AK4: variants seen among roughly 807,000 people sequenced by gnomAD.
AK4 encodes the protein adenylate kinase 4, mitochondrial.
AK4 carries 13 observed loss-of-function variants against 24.6 expected under a neutral mutation model. That is an observed-to-expected ratio of 0.53 (90% CI 0.34 to 0.84). The LOEUF (loss-of-function observed/expected upper bound fraction) is 0.84. Among genes scored for constraint, AK4 ranks in the 40% least tolerant of loss-of-function variants. The probability of loss-of-function intolerance (pLI) is 0.01; values close to 1 mark genes in which losing one functional copy is unlikely to be tolerated. For missense variants in AK4, 192 were observed against 288.2 expected (o/e 0.67, Z 2.42); for synonymous variants, 88 against 107.0 (o/e 0.82, Z 1.10).
At chr1:65,150,238 A>T (rs924939028) in intron 1 of AK4, among the ~76,000 whole-genome samples, 8 of 149,674 alleles carry the variant, frequency 5.3e-5, no homozygotes, top group African/African-American at 2.0e-4. Context: ...GGCTTTGAAA[A>T]TTTTCCATTT....
At chr1:65,218,561 A>G (rs1652200090) in intron 2 of AK4, among the ~76,000 whole-genome samples, 193 bp from the exon 3 acceptor site, 1 of 152,230 alleles carries the variant, frequency 6.6e-6, no homozygotes, top group African/African-American at 2.4e-5. Flanking sequence ...CAGAGGATAC[A>G]TGTGCAGGTT....
At chr1:65,152,039 TACAC>T (rs35465649) in intron 1 of AK4, among the ~76,000 whole-genome samples, 2 of 151,592 alleles carry the variant, frequency 1.3e-5, no homozygotes, top group African/African-American at 2.4e-5. Flanking sequence ...TGTATGAGTA[TACAC>T]ACACACACAG....
rs139889166 is a variant in AK4, at chr1:65,180,257, G to A, written c.146-10453G>A. ...GAGGTCAGAAGTTCGAGACCAGCCT[G>A]GGCAACATGGTAAAACCCCGTGTCT... On this transcript the variant is annotated intron_variant, in intron 1 of 4. Coordinates refer to ENST00000327299, the MANE Select transcript of AK4 (RefSeq NM_013410.4). Among the ~76,000 whole-genome samples, 206 of 152,248 alleles carry A rather than the reference G, an allele frequency of 1.4e-3. 1 individual carries two copies. The highest frequency in any genetic ancestry group is 2.0e-3 in the Admixed American group (30 of 15,292).
chr1:65,172,253 A>G (rs1349641997), intron 1 of AK4, among the ~76,000 whole-genome samples: 1 of 151,518 alleles, frequency 6.6e-6, no homozygotes, highest in African/African-American at 2.4e-5. Flanking sequence ...AAGTTAAAAA[A>G]GTTAATCGTC....
chr1:65,166,270 G>A (rs115181416), intron 1 of AK4, among the ~76,000 whole-genome samples: 813 of 151,806 alleles, frequency 5.4e-3, no homozygotes, highest in Non-Finnish European at 9.2e-3. Flanking sequence ...CTTAGTGAAT[G>A]TGGTGCTTTG....
intron 1 of AK4, among the ~76,000 whole-genome samples, chr1:65,162,328 G>T (rs1456583530): frequency 6.6e-6 from 1 of 152,122 alleles, no homozygotes; most frequent in Non-Finnish European, 1.5e-5. Flanking sequence ...GAGAGGATGC[G>T]GGAGGAGGCT....
intron 2 of AK4, among the ~76,000 whole-genome samples, chr1:65,199,575 A>G (rs1217502049): frequency 6.6e-6 from 1 of 151,972 alleles, no homozygotes; most frequent in African/African-American, 2.4e-5. Flanking sequence ...GAAAAAAAAA[A>G]TTTGTAACCA....
intron 2 of AK4, among the ~76,000 whole-genome samples, chr1:65,193,356 T>C (rs780212186): frequency 3.3e-5 from 5 of 152,156 alleles, no homozygotes; most frequent in Non-Finnish European, 7.4e-5. Context: ...GATCTCTGGG[T>C]CTGTGATGGG....
At position 65,218,781 on chromosome 1, in the gene AK4, A is replaced by G; in HGVS notation, c.293A>G (p.Glu98Gly). Residue 98 changes from glutamate to glycine, a missense_variant, in exon 3 of 5, where the codon GAA becomes GGA. Transcript: ENST00000327299. ...DGFPRTLGQA[E>G]ALDKICEVDL... ...TTTCCTAGGACATTAGGACAAGCCG[A>G]AGCCCTGGACAAAATCTGTGAAGTG... 1 of 1,590,968 alleles carries G rather than the reference A, an allele frequency of 6.3e-7. No homozygotes were observed. Among genetic ancestry groups the G allele is most frequent in the Non-Finnish European group, 8.5e-7 (1 of 1,171,138 alleles).
intron 2 of AK4, among the ~76,000 whole-genome samples, chr1:65,195,077 A>G (rs1484149542): frequency 6.6e-6 from 1 of 152,210 alleles, no homozygotes; most frequent in Non-Finnish European, 1.5e-5. Flanking sequence ...TTCTGGAGGC[A>G]GGGAAGAGTA....
chr1:65,206,791 A>G (rs930437230), intron 2 of AK4, among the ~76,000 whole-genome samples: 1 of 152,220 alleles, frequency 6.6e-6, no homozygotes, highest in East Asian at 1.9e-4. Context: ...AAAACAAAAG[A>G]AACAAACCAC....
At position 65,231,405 on chromosome 1, in the gene AK4, T is replaced by C. The variant is rs1652642275; in HGVS notation, c.*5228T>C. On this transcript the variant is annotated 3_prime_UTR_variant, in exon 5 of 5. Coordinates refer to ENST00000327299, the MANE Select transcript of AK4 (RefSeq NM_013410.4). ...AAACATTTCTAAAGGATGAAAGCTC[T>C]TGTATGGCATAGATATGAATTCCTT... The C allele has an allele frequency of 6.6e-6, 1 of 152,200 alleles. No homozygotes were observed. Among genetic ancestry groups the C allele is most frequent in the Non-Finnish European group, 1.5e-5 (1 of 68,056 alleles). The allele number at this position is 152,200 out of a possible 1,614,324, so 9.4% of individuals were successfully genotyped here. A position where few individuals can be genotyped will look rare whatever the true frequency, so the allele number is the denominator to read the frequency against.
At chr1:65,205,624 T>C (rs999849123) in intron 2 of AK4, among the ~76,000 whole-genome samples, 4 of 152,182 alleles carry the variant, frequency 2.6e-5, no homozygotes, top group Admixed American at 2.0e-4. Context: ...GTAGAATAAC[T>C]TGATGTTGTT....
rs1652218399 is a variant in AK4 at position 65,219,009 on chromosome 1, T to C, written c.438+83T>C. 6 of 1,052,940 alleles carry C rather than the reference T, an allele frequency of 5.7e-6. No homozygotes were observed. In the South Asian group the frequency reaches 1.6e-4, roughly 28 times the overall value. 65.2% of individuals were successfully genotyped at this position (1,052,940 alleles called of 1,614,324 possible). On this transcript the variant is annotated intron_variant, in intron 3 of 4. Transcript: ENST00000327299. Reference sequence around the variant, plus strand: ...TGAAAAGTGGAGAAAAGGATATGAGTAGACCATTCAAAAAAGAACAAATCT... The same window carrying C: ...TGAAAAGTGGAGAAAAGGATATGAGCAGACCATTCAAAAAAGAACAAATCT...
intron 3 of AK4, among the ~76,000 whole-genome samples, chr1:65,220,633 G>A (rs1305453229): frequency 6.6e-6 from 1 of 152,090 alleles, no homozygotes; most frequent in East Asian, 1.9e-4. Flanking sequence ...GTGCCAGCAT[G>A]CCTGGCTAGT....
intron 1 of AK4, among the ~76,000 whole-genome samples, chr1:65,172,430 G>A (rs1265754458): frequency 6.6e-6 from 1 of 151,980 alleles, no homozygotes; most frequent in Non-Finnish European, 1.5e-5. Context: ...TTATTTGGCG[G>A]TGGAGAAAGT....
At chr1:65,153,032 C>T (rs776318814) in intron 1 of AK4, among the ~76,000 whole-genome samples, 1 of 152,112 alleles carries the variant, frequency 6.6e-6, no homozygotes, top group Non-Finnish European at 1.5e-5. Context: ...CATTTCCCCC[C>T]CTAGCTGGGT....
chr1:65,219,459 AAAC>A (rs2101086318), intron 3 of AK4, among the ~76,000 whole-genome samples: 1 of 152,302 alleles, frequency 6.6e-6, no homozygotes, highest in South Asian at 2.1e-4. Context: ...AGTGGGCAAA[AAAC>A]AAAACCAAAA....
rs1000990898 is a variant in AK4, at chr1:65,228,856, A to G, written c.*2679A>G. On this transcript the variant is annotated 3_prime_UTR_variant, in exon 5 of 5. Transcript: ENST00000327299. Reference sequence around the variant, plus strand: ...CCAGCTCTTAATTCAATTTGCTTCCATTATCCTAACAGGCTTCTTTCTTAC... The same window carrying G: ...CCAGCTCTTAATTCAATTTGCTTCCGTTATCCTAACAGGCTTCTTTCTTAC... The G allele has an allele frequency of 9.9e-5, 15 of 151,998 alleles. No homozygotes were observed. Among genetic ancestry groups the G allele is most frequent in the African/African-American group, 3.6e-4 (15 of 41,384 alleles). The allele number at this position is 151,998 out of a possible 1,614,324, so 9.4% of individuals were successfully genotyped here.
Sources: allele counts gnomAD v4.1 joint callset (sites outside exome capture counted in the v4.1 genomes callset), GRCh38; gene constraint gnomAD v4.1.1; transcripts MANE v1.5; gene names NCBI Gene and HGNC (gene_info 2026-07-23, HGNC 2026-07-21).